The following TLE1 variants were observed in gnomAD, a reference collection of about 807,000 sequenced individuals.
The protein encoded by TLE1 is transducin-like enhancer protein 1.
TLE1 carries 21 observed loss-of-function variants against 89.8 expected under a neutral mutation model. The ratio of observed to expected loss-of-function variants is 0.23; its 90% CI spans 0.17 to 0.34. The LOEUF (loss-of-function observed/expected upper bound fraction) is 0.34. Ranked by LOEUF, TLE1 falls within the 10% of genes least tolerant of loss-of-function variation. The pLI, the probability that TLE1 is intolerant of heterozygous loss-of-function variation, is 1.00. For synonymous variants in TLE1, 447 were observed against 407.6 expected, an observed-to-expected ratio of 1.10 and a Z score of -1.16; for missense variants, 795 against 1,031.2, an observed-to-expected ratio of 0.77 and a Z score of 3.14.
intron 6 of TLE1, among the ~76,000 whole-genome samples, chr9:81,648,173 G>A (rs1829097573): frequency 1.3e-5 from 2 of 151,360 alleles, no homozygotes; most frequent in South Asian, 4.2e-4. Flanking sequence ...TCGGGCGGCT[G>A]AGGCAGGAGA....
intron 14 of TLE1, among the ~76,000 whole-genome samples, chr9:81,599,349 C>T (rs1830615878): frequency 2.0e-5 from 3 of 152,104 alleles, no homozygotes; most frequent in South Asian, 4.2e-4. Flanking sequence ...CTACCTGTGA[C>T]GTTATCCCCT....
chr9:81,605,002 GCCC>G (rs1431410407), intron 14 of TLE1, among the ~76,000 whole-genome samples: 1 of 152,058 alleles, frequency 6.6e-6, no homozygotes, highest in Admixed American at 6.5e-5. Context: ...ACATCATCAA[GCCC>G]CCAAGGGCAG....
At chr9:81,613,653 A>C in intron 11 of TLE1, 132 bp from the exon 12 acceptor site, 1 of 1,013,316 alleles carries the variant, frequency 9.9e-7, no homozygotes, top group Non-Finnish European at 1.4e-6. Flanking sequence ...AATCCACACA[A>C]TGTTGACAGC....
At chr9:81,674,878 G>C (rs1178969819) in intron 4 of TLE1, among the ~76,000 whole-genome samples, 5 of 152,166 alleles carry the variant, frequency 3.3e-5, no homozygotes, top group Admixed American at 2.6e-4. Context: ...ATGGACGCCA[G>C]GTGTGGTGGC....
intron 4 of TLE1, among the ~76,000 whole-genome samples, chr9:81,674,574 A>G (rs1832653041): frequency 6.6e-6 from 1 of 152,160 alleles, no homozygotes; most frequent in African/African-American, 2.4e-5. Flanking sequence ...AATTATTTCT[A>G]TTTTCTTACC....
chr9:81,598,290 T>TG (rs1366155574), intron 14 of TLE1, among the ~76,000 whole-genome samples: 5 of 152,016 alleles, frequency 3.3e-5, no homozygotes, highest in Non-Finnish European at 2.9e-5. Context: ...CTGTCACATC[T>TG]CCAAGTTGCG....
chr9:81,587,696 G>C lies in TLE1; in HGVS notation c.1962C>G (p.His654Gln), dbSNP rs766051918. The C allele has an allele frequency of 3.7e-6, 6 of 1,612,852 alleles. No homozygotes were observed. Among genetic ancestry groups the C allele is most frequent in the Non-Finnish European group, 5.1e-6 (6 of 1,179,324 alleles). Residue 654 changes from histidine (H) to glutamine (Q), a missense_variant, in exon 17 of 20, where the codon CAC becomes CAG. Physicochemically the swap from His to Gln is conservative, Grantham distance 24. This residue lies in a region of TLE1 where 214 missense variants were observed against 354.9 expected (regional missense o/e 0.60). Transcript: ENST00000376499. ...ACTCAGTCACCTGGGAGGTGAAGTC[G>C]TGCTGCTGCAGCTGCCGCCCCTCGC... ...DLREGRQLQQ[H>Q]DFTSQIFSLG...
intron 5 of TLE1, 122 bp from the exon 6 acceptor site, chr9:81,652,410 A>G (rs1588128841): frequency 1.5e-6 from 1 of 684,740 alleles, no homozygotes; most frequent in East Asian, 2.6e-5. Context: ...TAAATGCAGA[A>G]TTTCTCAACC....
chr9:81,682,977 A>T (rs1833813967), intron 4 of TLE1, among the ~76,000 whole-genome samples: 1 of 152,230 alleles, frequency 6.6e-6, no homozygotes, highest in Admixed American at 6.5e-5. Context: ...GTGTTGACAC[A>T]ACCTAAACAC....
chr9:81,583,921 G>C lies in TLE1; in HGVS notation c.*277C>G. The stretch of plus-strand genomic sequence containing the variant: ...CAGATCACCCAGAAAGAAAGAATGG[G>C]CTGTCATGTGAGTCGGCAGATTCCG... On this transcript the variant is annotated 3_prime_UTR_variant, in exon 20 of 20. Coordinates refer to ENST00000376499, the MANE Select transcript of TLE1 (RefSeq NM_005077.5). 5.0e-6 allele frequency: 2 copies of C among 401,970 alleles called. No individual in the cohort carries two copies. Among genetic ancestry groups the C allele is most frequent in the East Asian group, 4.3e-5 (1 of 23,128 alleles). 24.9% of individuals were successfully genotyped at this position (401,970 alleles called of 1,614,324 possible).
At chr9:81,688,127 G>C in intron 1 of TLE1, 90 bp downstream of exon 1, 2 of 1,525,716 alleles carry the variant, frequency 1.3e-6, no homozygotes, top group East Asian at 2.5e-5. Flanking sequence ...AAGGTCCGCC[G>C]GGCCTCAGAA....
At chr9:81,632,613 C>T (rs889442233) in intron 8 of TLE1, among the ~76,000 whole-genome samples, 4 of 151,826 alleles carry the variant, frequency 2.6e-5, no homozygotes, top group African/African-American at 4.8e-5. Flanking sequence ...ACATTTGAGA[C>T]ACACTTTAAG....
chr9:81,655,016 G>A (rs1008847831), intron 4 of TLE1, among the ~76,000 whole-genome samples: 11 of 152,126 alleles, frequency 7.2e-5, no homozygotes, highest in African/African-American at 2.7e-4. Flanking sequence ...GGGCCCAGGG[G>A]TCAGCTGAAC....
chr9:81,600,834 G>A (rs1034923326), intron 14 of TLE1, among the ~76,000 whole-genome samples: 11 of 152,284 alleles, frequency 7.2e-5, no homozygotes, highest in Admixed American at 3.3e-4. Context: ...TATCACTGAA[G>A]GCCTGGACAG....
At position 81,616,041 on chromosome 9, in the gene TLE1, G is replaced by T. The variant is rs749664479; in HGVS notation, c.859C>A (p.Pro287Thr). 1 of 1,614,094 alleles carries T rather than the reference G, an allele frequency of 6.2e-7. No homozygotes were observed. Among genetic ancestry groups the T allele is most frequent in the South Asian group, 1.1e-5 (1 of 91,058 alleles). ...CTTGCCGAGGAGGCCGTGGAAGCTGGACTGCTAGAAGCATCCTTCTTTAGC... is the reference window on the plus strand; with the variant it reads ...CTTGCCGAGGAGGCCGTGGAAGCTGTACTGCTAGAAGCATCCTTCTTTAGC... The part of the protein sequence containing the change: ...RLLKKDASSS[P>T]ASTASSASST... The change falls in exon 11 of 20, where the codon CCA becomes ACA. Residue 287 changes from proline to threonine, a missense_variant. This residue lies in a region of TLE1 where 468 missense variants were observed against 509.1 expected (regional missense o/e 0.92). Coordinates refer to ENST00000376499, the MANE Select transcript of TLE1 (RefSeq NM_005077.5).
At chr9:81,601,573 T>G (rs1277991186) in intron 14 of TLE1, among the ~76,000 whole-genome samples, 1 of 149,240 alleles carries the variant, frequency 6.7e-6, no homozygotes. Flanking sequence ...CAGGTATTTA[T>G]AGGGAGAACA....
At chr9:81,635,737 C>T (rs1158937923) in intron 6 of TLE1, among the ~76,000 whole-genome samples, 1 of 152,172 alleles carries the variant, frequency 6.6e-6, no homozygotes, top group African/African-American at 2.4e-5. Flanking sequence ...ACCCAGCCCA[C>T]TGATTTTTAA....
chr9:81,652,577 T>C (rs540566479), intron 5 of TLE1, among the ~76,000 whole-genome samples: 1 of 152,208 alleles, frequency 6.6e-6, no homozygotes, highest in South Asian at 2.1e-4. Context: ...CATAGGACCT[T>C]AAAAAATAAA....
chr9:81,608,645 A>C (rs1437927811), intron 14 of TLE1, among the ~76,000 whole-genome samples: 1 of 152,072 alleles, frequency 6.6e-6, no homozygotes, highest in African/African-American at 2.4e-5. Context: ...ACCTTTATTG[A>C]AACAAAATCA....
Sources: gnomAD v4.1 joint callset for allele counts (sites outside exome capture counted in the v4.1 genomes callset) on GRCh38, gnomAD v4.1.1 for gene constraint, gnomAD v4.1.1 regional missense constraint, MANE v1.5 for transcripts, NCBI Gene and HGNC (gene_info 2026-07-23, HGNC 2026-07-21) for gene names.